The following ADAMTS17 variants were observed in gnomAD, a reference collection of about 807,000 sequenced individuals.
The protein encoded by ADAMTS17 is ADAM metallopeptidase with thrombospondin type 1 motif 17, also known as A disintegrin and metalloproteinase with thrombospondin motifs 17.
A neutral mutation model predicts 141.5 loss-of-function variants in ADAMTS17; 113 were observed. The observed-to-expected ratio is 0.80, with a 90% CI of 0.69 to 0.93. The LOEUF (loss-of-function observed/expected upper bound fraction) is 0.93. ADAMTS17 is among the 40% of genes least tolerant of loss of function. ADAMTS17 has a pLI of 0.00. For missense variants in ADAMTS17, 1,659 were observed against 1,517.9 expected (o/e 1.09, Z -1.54); for synonymous variants, 768 against 630.6 (o/e 1.22, Z -3.27).
chr15:100,162,298 G>A (rs1161299593), intron 8 of ADAMTS17, among the ~76,000 whole-genome samples: 5 of 151,058 alleles, frequency 3.3e-5, no homozygotes, highest in African/African-American at 1.2e-4. Flanking sequence ...CTGGGTTTGT[G>A]TAGACATATA....
chr15:100,216,650 T>C (rs966933591), intron 7 of ADAMTS17, among the ~76,000 whole-genome samples: 4 of 152,202 alleles, frequency 2.6e-5, no homozygotes, highest in Non-Finnish European at 5.9e-5. Context: ...TTTTTCCCGA[T>C]GCTGACACCT....
At chr15:100,157,603 A>C (rs935511401) in intron 8 of ADAMTS17, among the ~76,000 whole-genome samples, 5 of 152,208 alleles carry the variant, frequency 3.3e-5, no homozygotes, top group Non-Finnish European at 7.3e-5. Context: ...TTCTCAGGGC[A>C]GCAGAAACTG....
chr15:99,974,311 G>T lies in ADAMTS17; in HGVS notation c.*91C>A, dbSNP rs139031334. On this transcript the variant is annotated 3_prime_UTR_variant, in exon 22 of 22. Coordinates refer to ENST00000268070, the MANE Select transcript of ADAMTS17 (RefSeq NM_139057.4). ...ATGTAGTTGGATTCTTGTGGCAGCC[G>T]GGTGGGGGCGTGGCCACAAGGCTGG... The T allele has an allele frequency of 0.012, 19,063 of 1,547,650 alleles. 1,884 individuals carry two copies. In the African/African-American group the frequency reaches 0.22, roughly 18 times the overall value.
At chr15:100,102,874 G>A (rs981292657) in intron 14 of ADAMTS17, among the ~76,000 whole-genome samples, 7 of 152,074 alleles carry the variant, frequency 4.6e-5, no homozygotes, top group African/African-American at 1.4e-4. Context: ...ATGCACCCTC[G>A]GACTTGTTTT....
intron 7 of ADAMTS17, among the ~76,000 whole-genome samples, chr15:100,206,758 G>C (rs1228762659): frequency 1.3e-5 from 2 of 152,188 alleles, no homozygotes; most frequent in Admixed American, 6.5e-5. Flanking sequence ...TCTGGGAATG[G>C]ATCGAATCTC....
intron 8 of ADAMTS17, among the ~76,000 whole-genome samples, chr15:100,195,613 CAAAA>C (rs71287815): frequency 1.6e-5 from 1 of 63,646 alleles, no homozygotes; most frequent in Non-Finnish European, 3.0e-5. Flanking sequence ...TGTTTGGTCT[CAAAA>C]AAAAAAAAAA....
chr15:100,313,207 AACAC>A (rs758090175), intron 3 of ADAMTS17, among the ~76,000 whole-genome samples: 8 of 152,256 alleles, frequency 5.3e-5, no homozygotes, highest in African/African-American at 1.9e-4. Context: ...AACTGAAAAT[AACAC>A]ACACACACAA....
intron 7 of ADAMTS17, among the ~76,000 whole-genome samples, chr15:100,225,268 C>G (rs1242468234): frequency 2.0e-5 from 3 of 152,226 alleles, no homozygotes; most frequent in Non-Finnish European, 2.9e-5. Flanking sequence ...TGGGGAAGAA[C>G]ATACAAATCA....
At chr15:100,079,532 G>A (rs772284295) in intron 15 of ADAMTS17, among the ~76,000 whole-genome samples, 1 of 152,172 alleles carries the variant, frequency 6.6e-6, no homozygotes, top group East Asian at 1.9e-4. Flanking sequence ...GGTTACCTAG[G>A]GCTTAAGAGG....
At chr15:100,045,494 G>C (rs951187172) in intron 18 of ADAMTS17, among the ~76,000 whole-genome samples, 1 of 152,168 alleles carries the variant, frequency 6.6e-6, no homozygotes, top group Non-Finnish European at 1.5e-5. Context: ...GTGGGCAGCA[G>C]CTACAGTCTC....
intron 8 of ADAMTS17, among the ~76,000 whole-genome samples, chr15:100,174,728 C>T (rs1477610854): frequency 1.3e-5 from 2 of 152,164 alleles, no homozygotes; most frequent in East Asian, 3.8e-4. Flanking sequence ...TCCTCAAACC[C>T]TCTCTGGATT....
chr15:100,214,501 GTTTT>G (rs143003609), intron 7 of ADAMTS17, among the ~76,000 whole-genome samples: 1 of 151,852 alleles, frequency 6.6e-6, no homozygotes, highest in South Asian at 2.1e-4. Context: ...TGGTAATTAT[GTTTT>G]TTTAATTAAA....
Position 99,974,256 on chromosome 15 carries a change from T to A in ADAMTS17, c.*146A>T. On this transcript the variant is annotated 3_prime_UTR_variant, in exon 22 of 22. Transcript: ENST00000268070. The stretch of plus-strand genomic sequence containing the variant: ...AATATATTAAGTACGGAAGCACTAA[T>A]GGCAAACGCCAAGTCCACGCTCATG... The A allele has an allele frequency of 9.7e-7, 1 of 1,029,292 alleles. No individual in the cohort carries two copies. Among genetic ancestry groups the A allele is most frequent in the Non-Finnish European group, 1.5e-6 (1 of 679,944 alleles). The allele number at this position is 1,029,292 out of a possible 1,614,324, so 63.8% of individuals were successfully genotyped here. A position where few individuals can be genotyped will look rare whatever the true frequency, so the allele number is the denominator to read the frequency against.
At chr15:100,281,151 G>A (rs1358537994) in intron 4 of ADAMTS17, 78 bp downstream of exon 4, 1 of 1,584,866 alleles carries the variant, frequency 6.3e-7, no homozygotes, top group Non-Finnish European at 8.5e-7. Context: ...AGGAGATGAG[G>A]ACACAGCACC....
chr15:100,296,801 G>A (rs913465411), intron 3 of ADAMTS17, among the ~76,000 whole-genome samples: 3 of 152,226 alleles, frequency 2.0e-5, no homozygotes, highest in Admixed American at 2.0e-4. Context: ...CATGGTTACA[G>A]CCATGTAGAT....
At chr15:100,037,462 G>A (rs2030846689) in intron 18 of ADAMTS17, among the ~76,000 whole-genome samples, 1 of 151,160 alleles carries the variant, frequency 6.6e-6, no homozygotes, top group Non-Finnish European at 1.5e-5. Context: ...CCAAGCTGGA[G>A]TGCAGTGGCG....
intron 13 of ADAMTS17, among the ~76,000 whole-genome samples, chr15:100,113,804 C>T (rs1308165993): frequency 6.6e-6 from 1 of 152,232 alleles, no homozygotes; most frequent in East Asian, 1.9e-4. Flanking sequence ...CCCCTCATCC[C>T]CACGGAGGCT....
rs192704164 is a variant in ADAMTS17, at chr15:100,274,402, T to C, written c.789+6827A>G. On this transcript the variant is annotated intron_variant, in intron 4 of 21. Transcript: ENST00000268070. ...GTTATATCTTCTTATATATTGGAAC[T>C]TTTATTAATATATAACATCCCCTTT... 1.4e-3 allele frequency among the ~76,000 whole-genome samples: 211 copies of C among 152,360 alleles called. 1 individual carries two copies. Among genetic ancestry groups the C allele is most frequent in the African/African-American group, 4.6e-3 (193 of 41,592 alleles).
At chr15:100,199,894 A>T (rs1395381617) in intron 7 of ADAMTS17, among the ~76,000 whole-genome samples, 1 of 152,182 alleles carries the variant, frequency 6.6e-6, no homozygotes, top group Non-Finnish European at 1.5e-5. Context: ...ATGCCCCTGC[A>T]CCCGCACACC....
Sources: allele counts gnomAD v4.1 joint callset (sites outside exome capture counted in the v4.1 genomes callset), GRCh38; gene constraint gnomAD v4.1.1; transcripts MANE v1.5; gene names NCBI Gene and HGNC (gene_info 2026-07-23, HGNC 2026-07-21).